Variants in ERI1 observed in about 807,000 individuals in gnomAD.
The protein encoded by ERI1 is 3'-5' exoribonuclease 1.
In ERI1, 39 loss-of-function variants were observed where a neutral mutation model predicts 39.7. The ratio of observed to expected loss-of-function variants is 0.98; its 90% CI spans 0.76 to 1.28. The LOEUF (loss-of-function observed/expected upper bound fraction) is 1.28, where lower values mean the gene tolerates loss of function less well. Among genes scored for constraint, ERI1 ranks in the 50% most tolerant of loss-of-function variants. ERI1 has a pLI of 0.00. For missense variants in ERI1, 581 were observed against 416.9 expected, an observed-to-expected ratio of 1.39 and a Z score of -3.43; for synonymous variants, 204 against 149.6, an observed-to-expected ratio of 1.36 and a Z score of -2.65.
chr8:9,005,519 T>TG (rs1450927728), intron 1 of ERI1, among the ~76,000 whole-genome samples: 1 of 143,284 alleles, frequency 7.0e-6, no homozygotes. Context: ...TTTATGTTTT[T>TG]TTTTTTTTTT....
At chr8:9,056,852 G>A (rs1198935126) in intron 3 of ERI1, among the ~76,000 whole-genome samples, 1 of 152,080 alleles carries the variant, frequency 6.6e-6, no homozygotes, top group Admixed American at 6.6e-5. Flanking sequence ...TCTGTTTTTT[G>A]AGACAAAGTC....
At chr8:9,071,549 G>A (rs117627720) in intron 3 of ERI1, among the ~76,000 whole-genome samples, 2,655 of 152,290 alleles carry the variant, frequency 0.017, 50 homozygotes, top group Non-Finnish European at 0.028. Context: ...CCAGTTTTCC[G>A]TTTCCAGTTT....
chr8:9,064,505 C>G (rs1393016213), intron 3 of ERI1, among the ~76,000 whole-genome samples: 2 of 94,098 alleles, frequency 2.1e-5, no homozygotes, highest in African/African-American at 3.4e-5. Context: ...TAAAACGTGT[C>G]TCCTTTGTCT....
chr8:9,024,337 C>G (rs1818240750), intron 6 of ERI1, among the ~76,000 whole-genome samples: 1 of 152,212 alleles, frequency 6.6e-6, no homozygotes, highest in Non-Finnish European at 1.5e-5. Flanking sequence ...CGTGGCATAT[C>G]AAGCGCAAAT....
intron 4 of ERI1, 119 bp downstream of exon 4, chr8:9,016,524 A>G (rs574996779): frequency 4.3e-6 from 2 of 461,336 alleles, no homozygotes; most frequent in Non-Finnish European, 7.4e-6. Context: ...CTTGCTTGGT[A>G]AAGATCTTTC....
intron 3 of ERI1, among the ~76,000 whole-genome samples, chr8:9,097,638 C>T (rs1274651600): frequency 7.1e-6 from 1 of 140,756 alleles, no homozygotes; most frequent in Non-Finnish European, 1.5e-5. Flanking sequence ...CACTGCACTC[C>T]AGCCTAGGTG....
In ERI1 at chr8:9,031,051, G is replaced by A. The variant is rs532394911; in HGVS notation, c.*1017G>A. On this transcript the variant is annotated 3_prime_UTR_variant, in exon 7 of 7. Transcript: ENST00000250263. ...TTCTAAAAACTAAAATGTGCATTTC[G>A]ACTTGATAAGGTAAAACTCTTATCT... The A allele has an allele frequency of 6.6e-6, 1 of 152,144 alleles. No individual in the cohort carries two copies. The highest frequency in any genetic ancestry group is 6.5e-5 in the Admixed American group (1 of 15,286). The allele number at this position is 152,144 out of a possible 1,614,324, so 9.4% of individuals were successfully genotyped here. A position where few individuals can be genotyped will look rare whatever the true frequency, so the allele number is the denominator to read the frequency against.
At chr8:9,019,115 G>A (rs974272487) in intron 5 of ERI1, among the ~76,000 whole-genome samples, 2 of 152,192 alleles carry the variant, frequency 1.3e-5, no homozygotes, top group Non-Finnish European at 2.9e-5. Flanking sequence ...TGAGCTTAAA[G>A]TGTATGCCCA....
chr8:9,027,823 A>G lies in ERI1; in HGVS notation c.808-1969A>G, dbSNP rs144001943. Among the ~76,000 whole-genome samples the G allele has an allele frequency of 4.9e-4, 74 of 152,322 alleles. 1 individual carries two copies. In the East Asian group the frequency reaches 0.014, roughly 29 times the overall value. On this transcript the variant is annotated intron_variant, in intron 6 of 6. Transcript: ENST00000250263. ...TATTAGTTTGTATGTCTATACTAATACCACTCTCTTTCAATTACTGCACTC... is the reference window on the plus strand; with the variant it reads ...TATTAGTTTGTATGTCTATACTAATGCCACTCTCTTTCAATTACTGCACTC...
chr8:9,004,076 C>T, intron 1 of ERI1: 1 of 1,289,188 alleles, frequency 7.8e-7, no homozygotes, highest in African/African-American at 1.5e-5. Context: ...GTTCCCAGTG[C>T]CCCTCGCTGC....
intron 3 of ERI1, chr8:9,048,382 C>G (rs776160230): frequency 3.9e-5 from 6 of 154,356 alleles, no homozygotes; most frequent in Non-Finnish European, 8.8e-5. Context: ...AGGAATTTCC[C>G]TCCTGGCACA....
At chr8:9,075,581 C>G (rs965415478) in intron 3 of ERI1, among the ~76,000 whole-genome samples, 3 of 151,346 alleles carry the variant, frequency 2.0e-5, no homozygotes, top group Non-Finnish European at 4.4e-5. Context: ...AATCTATTAG[C>G]CATGCATTTT....
At chr8:9,008,556 C>G (rs1256179792) in intron 2 of ERI1, among the ~76,000 whole-genome samples, 1 of 152,060 alleles carries the variant, frequency 6.6e-6, no homozygotes, top group African/African-American at 2.4e-5. Context: ...TAAAAACATT[C>G]ACTTAACAGG....
intron 1 of ERI1, chr8:9,003,992 T>C: frequency 1.1e-6 from 1 of 948,808 alleles, no homozygotes; most frequent in Admixed American, 2.3e-5. Flanking sequence ...CCTGAGTCAC[T>C]TCCATTTGCT....
chr8:9,085,715 G>A (rs552941711), intron 3 of ERI1, among the ~76,000 whole-genome samples: 1 of 151,964 alleles, frequency 6.6e-6, no homozygotes, highest in Non-Finnish European at 1.5e-5. Context: ...TCTAAGTGAT[G>A]AGACAGTAAA....
chr8:9,095,066 C>T (rs1799834435), intron 3 of ERI1, among the ~76,000 whole-genome samples: 1 of 152,184 alleles, frequency 6.6e-6, no homozygotes, highest in Non-Finnish European at 1.5e-5. Flanking sequence ...AACAGCTTTA[C>T]TTCCATCAGC....
chr8:9,092,851 G>C (rs1799751022), intron 3 of ERI1, among the ~76,000 whole-genome samples: 1 of 152,240 alleles, frequency 6.6e-6, no homozygotes, highest in African/African-American at 2.4e-5. Flanking sequence ...CTGGAGACTG[G>C]AAGTCTGAGA....
At position 9,068,631 on chromosome 8, in the gene ERI1, T is replaced by A. The variant is rs1278083856; in HGVS notation, n.300-47717T>A. 5.3e-5 allele frequency among the ~76,000 whole-genome samples: 8 copies of A among 152,262 alleles called. No individual in the cohort carries two copies. The East Asian group carries it at 1.5e-3, about 29-fold the overall frequency. ...GCCTTTAGGGTCCTCATATCCATGC[T>A]TGCTTCTCTTCCTAGGATGCATTGT... On this transcript the variant is annotated intron_variant and non_coding_transcript_variant, in intron 3 of 3. Coordinates refer to the ERI1 transcript ENST00000518663.
chr8:9,037,751 C>T (rs1797898087), downstream of ERI1, among the ~76,000 whole-genome samples: 1 of 151,956 alleles, frequency 6.6e-6, no homozygotes, highest in Admixed American at 6.6e-5. Flanking sequence ...TACTGTGCAC[C>T]ATAAATAAAT....
Sources: gnomAD v4.1 joint callset for allele counts (sites outside exome capture counted in the v4.1 genomes callset) on GRCh38, gnomAD v4.1.1 for gene constraint, MANE v1.5 for transcripts, NCBI Gene and HGNC (gene_info 2026-07-23, HGNC 2026-07-21) for gene names.